Variants in PASD1 observed in about 807,000 individuals in gnomAD.
PASD1 encodes circadian clock protein PASD1.
A neutral mutation model predicts 58.8 loss-of-function variants in PASD1; 13 were observed. The ratio of observed to expected loss-of-function variants is 0.22; its 90% CI spans 0.14 to 0.35. The LOEUF is 0.35. Ranked by LOEUF, PASD1 falls within the 10% of genes least tolerant of loss-of-function variation. The pLI, the probability that PASD1 is intolerant of heterozygous loss-of-function variation, is 1.00. For missense variants in PASD1, 734 were observed against 568.3 expected (o/e 1.29, Z -2.96); for synonymous variants, 236 against 216.7 (o/e 1.09, Z -0.78).
intron 8 of PASD1, 122 bp from the exon 9 acceptor site, chrX:151,648,493 T>C: frequency 1.6e-6 from 1 of 643,716 alleles, no homozygotes; most frequent in Non-Finnish European, 2.4e-6. Context: ...ATTAATGATG[T>C]TCTGTAGTAG....
intron 9 of PASD1, 75 bp downstream of exon 9, chrX:151,648,777 G>A (rs754843146): frequency 9.2e-7 from 1 of 1,089,025 alleles, no homozygotes; most frequent in East Asian, 3.1e-5. Context: ...GTTAATGTGT[G>A]TTACCAAGAA....
intron 8 of PASD1, among the ~76,000 whole-genome samples, chrX:151,638,574 T>G (rs2013960822): frequency 8.9e-6 from 1 of 111,861 alleles, no homozygotes; most frequent in Non-Finnish European, 1.9e-5. Flanking sequence ...TGAGAATTCT[T>G]TATGCATTCT....
chrX:151,641,619 A>G (rs907869386), intron 8 of PASD1, among the ~76,000 whole-genome samples: 1 of 111,545 alleles, frequency 9.0e-6, no homozygotes, highest in African/African-American at 3.3e-5. Flanking sequence ...AAATGGAAAG[A>G]TGCTTATAGA....
Position 151,674,193 on chromosome X carries a change from G to C in PASD1, c.2175+7G>C. ...CCAACCCACCTACCATCAGGTATGG[G>C]ACAGCCCCCTCCTTTTCCTTCCAGC... On this transcript the variant is annotated splice_region_variant and intron_variant, in intron 15 of 15. Transcript: ENST00000370357. 1 of 1,210,723 alleles carries C rather than the reference G, an allele frequency of 8.3e-7. No individual in the cohort carries two copies. The highest frequency in any genetic ancestry group is 1.1e-6 in the Non-Finnish European group (1 of 894,855).
chrX:151,622,992 T>C lies in PASD1; in HGVS notation c.474T>C (p.Ala158=), dbSNP rs200728374. 1.1e-4 allele frequency: 132 copies of C among 1,207,705 alleles called. No individual in the cohort carries two copies. The highest frequency in any genetic ancestry group is 1.4e-4 in the Non-Finnish European group (124 of 893,235). The part of the protein sequence containing the change: ...LFSSHLCADF[A]ACVPQEDRLY... ...CCAGCCACCTCTGTGCTGACTTTGC[T>C]GCATGTGTTCCTCAGGAGGATCGGC... Residue 158 remains alanine (A), a synonymous_variant, in exon 7 of 16, where the codon GCT becomes GCC. Transcript: ENST00000370357.
At position 151,671,146 on chromosome X, in the gene PASD1, G is replaced by T; in HGVS notation, c.1180G>T (p.Ala394Ser). ...LEERTWLLHD[A>S]IQNQQNALEL... ...AGAGAGGACTTGGTTGCTGCATGAT[G>T]CCATCCAAAACCAGCAGAATGCATT... Residue 394 changes from alanine to serine, a missense_variant, in exon 12 of 16, where the codon GCC becomes TCC. Transcript: ENST00000370357. 3 of 1,211,887 alleles carry T rather than the reference G, an allele frequency of 2.5e-6. No individual in the cohort carries two copies. The highest frequency in any genetic ancestry group is 3.4e-6 in the Non-Finnish European group (3 of 895,514).
intron 4 of PASD1, among the ~76,000 whole-genome samples, chrX:151,614,955 C>A (rs1164055046): frequency 9.0e-6 from 1 of 111,369 alleles, no homozygotes; most frequent in Non-Finnish European, 1.9e-5. Flanking sequence ...ACCAAAACAG[C>A]TAAATGAAAT....
In PASD1 at chrX:151,636,761, A is replaced by AT. The variant is rs1321012736; in HGVS notation, c.629+11231_629+11232insT. Among the ~76,000 whole-genome samples, 181 of 110,729 alleles carry AT rather than the reference A, an allele frequency of 1.6e-3. 1 individual carries two copies. Among genetic ancestry groups the AT allele is most frequent in the African/African-American group, 5.7e-3 (173 of 30,484 alleles). Reference sequence around the variant, plus strand: ...AATCTATCTGTTAAATTGTGCAGTAAATTTTTTTTTTCCTCTTGGTATACA... The same window carrying AT: ...AATCTATCTGTTAAATTGTGCAGTAATATTTTTTTTTTCCTCTTGGTATACA... On this transcript the variant is annotated intron_variant, in intron 8 of 15. Transcript: ENST00000370357.
chrX:151,582,821 T>C (rs1198111388), intron 1 of PASD1, among the ~76,000 whole-genome samples: 1 of 17,005 alleles, frequency 5.9e-5, no homozygotes, highest in Non-Finnish European at 7.1e-4. Flanking sequence ...AAACTCTCTC[T>C]CCTATTTTTT....
chrX:151,624,773 T>C (rs933326752), intron 7 of PASD1, among the ~76,000 whole-genome samples: 10 of 111,829 alleles, frequency 8.9e-5, no homozygotes, highest in Admixed American at 7.6e-4. Flanking sequence ...GGCCTTTACA[T>C]TCAATTTTAG....
intron 11 of PASD1, among the ~76,000 whole-genome samples, chrX:151,665,903 T>TC (rs1491226302): frequency 2.6e-5 from 2 of 75,879 alleles, no homozygotes; most frequent in Non-Finnish European, 5.4e-5. Context: ...TGTGTGTGTG[T>TC]TTTTTTTTTT....
chrX:151,665,360 A>T (rs898332755), intron 11 of PASD1, among the ~76,000 whole-genome samples: 5 of 112,277 alleles, frequency 4.5e-5, no homozygotes, highest in Non-Finnish European at 9.4e-5. Context: ...ATTAACTTGT[A>T]ATTAAATTTT....
At chrX:151,669,425 G>C (rs997881695) in intron 11 of PASD1, among the ~76,000 whole-genome samples, 1 of 110,196 alleles carries the variant, frequency 9.1e-6, no homozygotes, top group Non-Finnish European at 1.9e-5. Flanking sequence ...AATTCTTTTA[G>C]CTATTTTAAA....
At chrX:151,609,526 G>C (rs1168657762) in intron 3 of PASD1, among the ~76,000 whole-genome samples, 1 of 111,516 alleles carries the variant, frequency 9.0e-6, no homozygotes, top group African/African-American at 3.3e-5. Flanking sequence ...CTATCAATTT[G>C]GCTATCCTAG....
chrX:151,599,960 A>T (rs1449501163), intron 1 of PASD1, among the ~76,000 whole-genome samples: 1 of 111,835 alleles, frequency 8.9e-6, no homozygotes, highest in Non-Finnish European at 1.9e-5. Context: ...GCCACTGCAC[A>T]CCAGCCTGGG....
At chrX:151,568,825 G>C (rs748992588) in intron 1 of PASD1, among the ~76,000 whole-genome samples, 2 of 111,447 alleles carry the variant, frequency 1.8e-5, no homozygotes, top group South Asian at 3.9e-4. Flanking sequence ...CGAATATATG[G>C]GTGAGCAATG....
chrX:151,572,105 G>T (rs894027805), intron 1 of PASD1, among the ~76,000 whole-genome samples: 3 of 111,482 alleles, frequency 2.7e-5, no homozygotes, highest in African/African-American at 9.8e-5. Context: ...TGACGACTTT[G>T]ATTTTCTCAT....
chrX:151,664,564 A>G (rs1349796783), intron 11 of PASD1, among the ~76,000 whole-genome samples: 2 of 112,387 alleles, frequency 1.8e-5, no homozygotes, highest in African/African-American at 6.5e-5. Flanking sequence ...TTCTCTAAGT[A>G]AGACCAAATC....
chrX:151,626,176 T>C lies in PASD1; in HGVS notation c.629+646T>C, dbSNP rs1018097008. 2.3e-4 allele frequency among the ~76,000 whole-genome samples: 26 copies of C among 112,435 alleles called. No homozygotes were observed. The Admixed American group carries it at 2.4e-3, about 10-fold the overall frequency. On this transcript the variant is annotated intron_variant, in intron 8 of 15. Coordinates refer to ENST00000370357, the MANE Select transcript of PASD1 (RefSeq NM_173493.3). ...TTAATATACTACTTCATTACTTTTT[T>C]TTCTTGAAAAGAAAGGTAATGTTTA...
Sources: gnomAD v4.1 joint callset for allele counts (sites outside exome capture counted in the v4.1 genomes callset) on GRCh38, gnomAD v4.1.1 for gene constraint, MANE v1.5 for transcripts, NCBI Gene and HGNC (gene_info 2026-07-23, HGNC 2026-07-21) for gene names.